The following STAT6 variants were observed in gnomAD, a reference collection of about 807,000 sequenced individuals.
STAT6 encodes the protein STAT, interleukin4-induced.
Under a neutral mutation model 106.3 loss-of-function variants are expected in STAT6, and 45 were observed. That is an observed-to-expected ratio of 0.42 (90% CI 0.33 to 0.54). The LOEUF (loss-of-function observed/expected upper bound fraction) is 0.54, where lower values mean the gene tolerates loss of function less well. STAT6 is among the 20% of genes least tolerant of loss of function. The pLI is 0.06. For synonymous variants in STAT6, 413 were observed against 413.6 expected, an observed-to-expected ratio of 1.00 and a Z score of 0.02; for missense variants, 797 against 1,062.2, an observed-to-expected ratio of 0.75 and a Z score of 3.47.
intron 11 of STAT6, 127 bp downstream of exon 11, chr12:57,104,336 AG>A: frequency 7.3e-7 from 1 of 1,365,884 alleles, no homozygotes; most frequent in Non-Finnish European, 9.9e-7. Context: ...CCCGGGCCCC[AG>A]TGTGCATGAA....
In STAT6 at chr12:57,102,419, A is replaced by C; in HGVS notation, c.1383T>G (p.Ala461=). ...MCETLNLKFM[A]EVGTNRGLLP... Reference sequence around the variant, plus strand: ...GCAGCCCCCGGTTGGTCCCCACCTCAGCCATGAACTTCAGGTTCAGAGTTT... The same window carrying C: ...GCAGCCCCCGGTTGGTCCCCACCTCCGCCATGAACTTCAGGTTCAGAGTTT... Residue 461 remains alanine (A), a synonymous_variant, in exon 13 of 22, where the codon GCT becomes GCG. Transcript: ENST00000300134. The C allele has an allele frequency of 2.5e-6, 4 of 1,614,156 alleles. No individual in the cohort carries two copies. In the East Asian group the frequency reaches 8.9e-5, roughly 36 times the overall value.
rs112361718 is a variant in STAT6 at position 57,105,465 on chromosome 12, T to C, written c.812+3A>G. 1 of 1,613,962 alleles carries C rather than the reference T, an allele frequency of 6.2e-7. No individual in the cohort carries two copies. Reference sequence around the variant, plus strand: ...GGCCAGACTGGGAGCTCCCGGGGAATACCTGGTGACGAGGGTTCTCAGGAC... The same window carrying C: ...GGCCAGACTGGGAGCTCCCGGGGAACACCTGGTGACGAGGGTTCTCAGGAC... On this transcript the variant is annotated splice_donor_region_variant and intron_variant, in intron 8 of 21. Coordinates refer to ENST00000300134, the MANE Select transcript of STAT6 (RefSeq NM_003153.5).
rs1700434657 is a variant in STAT6, at chr12:57,102,926, A to AGAGGGT, written c.1213-11_1213-6dup. 1.3e-6 allele frequency: 2 copies of AGAGGGT among 1,540,556 alleles called. No individual in the cohort carries two copies. The highest frequency in any genetic ancestry group is 1.8e-6 in the Non-Finnish European group (2 of 1,134,688). ...CACCAGGGGCAGAGACAGGGCCTGA[A>AGAGGGT]GAGGGTGAGGACAGGGGTTTCTTTT... On this transcript the variant is annotated splice_polypyrimidine_tract_variant and splice_region_variant and intron_variant, in intron 11 of 21. Transcript: ENST00000300134.
Position 57,102,379 on chromosome 12 carries a change from G to A in STAT6, c.1423C>T (p.Leu475Phe). 1 of 1,614,194 alleles carries A rather than the reference G, an allele frequency of 6.2e-7. No individual in the cohort carries two copies. The highest frequency in any genetic ancestry group is 8.5e-7 in the Non-Finnish European group (1 of 1,180,042). ...TNRGLLPEHF[L>F]FLAQKIFNDN... ...TTGAAGATCTTCTGGGCCAGGAAGAGGAAGTGCTCTGGGAGCAGCCCCCGG... is the reference window on the plus strand; with the variant it reads ...TTGAAGATCTTCTGGGCCAGGAAGAAGAAGTGCTCTGGGAGCAGCCCCCGG... Residue 475 changes from leucine (L) to phenylalanine (F), a missense_variant, in exon 13 of 22, where the codon CTC becomes TTC. By Grantham distance (22) the Leu-to-Phe change is conservative. This residue lies in a region of STAT6 where 222 missense variants were observed against 354.6 expected (regional missense o/e 0.63). Transcript: ENST00000300134.
At chr12:57,101,705 C>T (rs1410467271) in intron 13 of STAT6, among the ~76,000 whole-genome samples, 6 of 147,224 alleles carry the variant, frequency 4.1e-5, no homozygotes, top group Non-Finnish European at 8.9e-5. Context: ...TGCTCTGTCA[C>T]CCAGGCTTGA....
At chr12:57,108,337 A>C in intron 1 of STAT6, 38 bp from the exon 2 acceptor site, 1 of 1,168,118 alleles carries the variant, frequency 8.6e-7, no homozygotes, top group South Asian at 1.3e-5. Flanking sequence ...AGGGGTGCCC[A>C]AGAAACTTGG....
intron 13 of STAT6, among the ~76,000 whole-genome samples, chr12:57,100,371 G>A (rs537018044): frequency 7.9e-5 from 12 of 152,194 alleles, no homozygotes; most frequent in East Asian, 3.9e-4. Context: ...CAAAAACGTC[G>A]AATGACTTGC....
Position 57,098,617 on chromosome 12 carries a change from C to A in STAT6, c.2067-20G>T, listed in dbSNP as rs1361475888. The A allele has an allele frequency of 1.9e-6, 3 of 1,609,556 alleles. No individual in the cohort carries two copies. The highest frequency in any genetic ancestry group is 1.7e-6 in the Non-Finnish European group (2 of 1,177,382). On this transcript the variant is annotated intron_variant, in intron 18 of 21. Coordinates refer to ENST00000300134, the MANE Select transcript of STAT6 (RefSeq NM_003153.5). ...TGGGGCCTGGGGAAAGAAAACAGAC[C>A]CCCTGATGCCAGCCCTTCTCCTGGA...
chr12:57,099,960 G>A lies in STAT6; in HGVS notation c.1607+36C>T, dbSNP rs2033712922. 7 of 1,614,154 alleles carry A rather than the reference G, an allele frequency of 4.3e-6. No homozygotes were observed. Among genetic ancestry groups the A allele is most frequent in the Non-Finnish European group, 5.9e-6 (7 of 1,180,010 alleles). On this transcript the variant is annotated intron_variant, in intron 14 of 21. Transcript: ENST00000300134. The surrounding 1 kb of genome is among the most constrained non-coding windows in gnomAD (Gnocchi z 4.7). ...GGCAGTGAGTATGGAGGTGACTGGT[G>A]TATGGCTGCTCAGACTACCCAGGGT...
chr12:57,105,640 T>C, intron 7 of STAT6, 41 bp from the exon 8 acceptor site: 1 of 1,603,680 alleles, frequency 6.2e-7, no homozygotes, highest in South Asian at 1.1e-5. Context: ...GGATTAAGGC[T>C]GCTTGCTCCG....
intron 13 of STAT6, among the ~76,000 whole-genome samples, chr12:57,101,543 T>C (rs1405908454): frequency 1.3e-5 from 2 of 151,958 alleles, no homozygotes; most frequent in East Asian, 3.9e-4. Context: ...TTTTTGTTTT[T>C]AGTAGAGACG....
Position 57,104,658 on chromosome 12 carries a change from A to T in STAT6, c.1089+68T>A. On this transcript the variant is annotated intron_variant, in intron 10 of 21. Coordinates refer to ENST00000300134, the MANE Select transcript of STAT6 (RefSeq NM_003153.5). ...GACCGCTCCTCCTGGGCTTCCTGAC[A>T]TCCTCTCCAAGGAGAGTCCCACAGT... 4 of 1,612,822 alleles carry T rather than the reference A, an allele frequency of 2.5e-6. No homozygotes were observed. In the African/African-American group the frequency reaches 4.0e-5, roughly 16 times the overall value.
At chr12:57,106,028 C>CCCA in intron 7 of STAT6, 163 bp downstream of exon 7, 1 of 1,239,176 alleles carries the variant, frequency 8.1e-7, no homozygotes, top group Non-Finnish European at 1.1e-6. Context: ...CAGGATGCGA[C>CCCA]CTGAACGACA....
At chr12:57,101,384 GC>G (rs2033919897) in intron 13 of STAT6, among the ~76,000 whole-genome samples, 2 of 127,120 alleles carry the variant, frequency 1.6e-5, no homozygotes, top group South Asian at 5.4e-4. Context: ...ACCACACCTA[GC>G]CTTTTTTTTT....
At chr12:57,104,696 C>G (rs748718170) in intron 10 of STAT6, 30 bp downstream of exon 10, 1 of 1,613,758 alleles carries the variant, frequency 6.2e-7, no homozygotes, top group African/African-American at 1.3e-5. Flanking sequence ...CCTAGTGGTG[C>G]CCCCCTCACT....
chr12:57,110,243 A>G (rs1236167636), intron 1 of STAT6: 1 of 152,280 alleles, frequency 6.6e-6, no homozygotes, highest in African/African-American at 2.4e-5. Context: ...AGCCATCAGG[A>G]GGACACATTT....
intron 19 of STAT6, 115 bp downstream of exon 19, chr12:57,098,387 GAGA>G (rs2033589361): frequency 2.9e-6 from 3 of 1,035,868 alleles, no homozygotes; most frequent in Middle Eastern, 2.1e-4. Context: ...GTGGACAGAA[GAGA>G]AGAAGACAGG....
chr12:57,105,988 G>T, intron 7 of STAT6: 2 of 832,756 alleles, frequency 2.4e-6, no homozygotes, highest in Non-Finnish European at 3.6e-6. Flanking sequence ...ATGAGTCCCC[G>T]CTTGTGCCCC....
rs2034014210 is a variant in STAT6, at chr12:57,102,739, A to G, written c.1305+90T>C. On this transcript the variant is annotated intron_variant, in intron 12 of 21. Transcript: ENST00000300134. ...GTGTTAAGGTCACACCCATTTAAAC[A>G]TGCCCACCACCCCATCAGCAGGCCT... 2.6e-6 allele frequency: 3 copies of G among 1,156,206 alleles called. No homozygotes were observed. The South Asian group carries it at 3.8e-5, about 15-fold the overall frequency. The allele number at this position is 1,156,206 out of a possible 1,614,324, so 71.6% of individuals were successfully genotyped here.
Sources: allele counts gnomAD v4.1 joint callset (sites outside exome capture counted in the v4.1 genomes callset), GRCh38; gene constraint gnomAD v4.1.1; regional missense constraint gnomAD v4.1.1; non-coding constraint Gnocchi (gnomAD v3.1); transcripts MANE v1.5; gene names NCBI Gene and HGNC (gene_info 2026-07-23, HGNC 2026-07-21).